CDH13: variants seen among roughly 807,000 people sequenced by gnomAD.
The protein encoded by CDH13 is cadherin 13, also known as cadherin-13.
A neutral mutation model predicts 63.8 loss-of-function variants in CDH13; 24 were observed. The ratio of observed to expected loss-of-function variants is 0.38; its 90% CI spans 0.27 to 0.53. The LOEUF is 0.53. Ranked by LOEUF, CDH13 falls within the 20% of genes least tolerant of loss-of-function variation. The pLI is 0.85. For missense variants in CDH13, 1,049 were observed against 903.1 expected (o/e 1.16, Z -2.07); for synonymous variants, 503 against 355.3 (o/e 1.42, Z -4.67).
intron 5 of CDH13, among the ~76,000 whole-genome samples, chr16:83,270,876 TTCCC>T (rs758786598): frequency 9.9e-5 from 15 of 151,264 alleles, no homozygotes; most frequent in South Asian, 8.5e-4. Context: ...CTTTCCTGCC[TTCCC>T]TCCCTCCCTC....
chr16:83,291,974 G>T (rs1456623356), intron 5 of CDH13, among the ~76,000 whole-genome samples: 1 of 152,090 alleles, frequency 6.6e-6, no homozygotes, highest in African/African-American at 2.4e-5. Flanking sequence ...GCTCCCAATG[G>T]TCATGAGTTA....
chr16:82,934,265 A>G (rs1207044592), intron 2 of CDH13, among the ~76,000 whole-genome samples: 1 of 152,166 alleles, frequency 6.6e-6, no homozygotes, highest in Admixed American at 6.5e-5. Flanking sequence ...GCTCAACACC[A>G]CATGGAAGCT....
intron 4 of CDH13, among the ~76,000 whole-genome samples, chr16:83,205,293 G>A (rs1312026364): frequency 6.6e-6 from 1 of 152,166 alleles, no homozygotes; most frequent in East Asian, 1.9e-4. Flanking sequence ...CAAATACCTA[G>A]TTATTCACTG....
intron 3 of CDH13, among the ~76,000 whole-genome samples, chr16:83,099,355 C>T (rs1382476108): frequency 6.6e-6 from 1 of 151,924 alleles, no homozygotes; most frequent in Non-Finnish European, 1.5e-5. Flanking sequence ...TGGAGTTTCA[C>T]TCTTGTCACC....
intron 3 of CDH13, among the ~76,000 whole-genome samples, chr16:83,040,838 G>A (rs1000721971): frequency 3.9e-5 from 6 of 152,186 alleles, no homozygotes; most frequent in Non-Finnish European, 7.3e-5. Flanking sequence ...TGATTGCATT[G>A]TTAAATCCAG....
At chr16:83,682,885 C>G (rs1349197591) in intron 10 of CDH13, among the ~76,000 whole-genome samples, 1 of 152,194 alleles carries the variant, frequency 6.6e-6, no homozygotes, top group African/African-American at 2.4e-5. Flanking sequence ...TCACCTCCTC[C>G]CTGAGGGGGC....
chr16:83,490,425 T>C (rs2073988232), intron 7 of CDH13, among the ~76,000 whole-genome samples: 1 of 152,158 alleles, frequency 6.6e-6, no homozygotes. Flanking sequence ...CCTTACTATG[T>C]TGTCACTTTG....
intron 2 of CDH13, among the ~76,000 whole-genome samples, chr16:83,001,977 C>G (rs974934307): frequency 6.6e-6 from 1 of 152,160 alleles, no homozygotes; most frequent in African/African-American, 2.4e-5. Flanking sequence ...AAGTTCCAAC[C>G]ACATTCCAGG....
At chr16:83,377,514 G>T (rs1267495451) in intron 6 of CDH13, among the ~76,000 whole-genome samples, 4 of 152,198 alleles carry the variant, frequency 2.6e-5, no homozygotes, top group African/African-American at 9.7e-5. Context: ...CACAGGGTCT[G>T]TCAGTTTTCC....
At chr16:83,301,254 A>G (rs2089735219) in intron 5 of CDH13, among the ~76,000 whole-genome samples, 1 of 151,404 alleles carries the variant, frequency 6.6e-6, no homozygotes, top group East Asian at 1.9e-4. Context: ...GATGGTCTCG[A>G]TCTCCTGACC....
chr16:83,717,980 C>G (rs758364927), intron 10 of CDH13: 1 of 152,246 alleles, frequency 6.6e-6, no homozygotes, highest in African/African-American at 2.4e-5. Context: ...GGGCATTGGC[C>G]TCTGGAACAA....
intron 1 of CDH13, among the ~76,000 whole-genome samples, chr16:82,660,591 C>T (rs1015718283): frequency 6.6e-6 from 1 of 151,482 alleles, no homozygotes; most frequent in African/African-American, 2.4e-5. Context: ...AAGATGACAA[C>T]CTAGGGCCCA....
intron 1 of CDH13, among the ~76,000 whole-genome samples, chr16:82,643,380 A>G (rs1567583462): frequency 6.6e-6 from 1 of 152,178 alleles, no homozygotes; most frequent in Non-Finnish European, 1.5e-5. Context: ...GCGACTCCTC[A>G]AAAGATCCCC....
chr16:83,410,860 C>G (rs926995320), intron 6 of CDH13, among the ~76,000 whole-genome samples: 3 of 152,150 alleles, frequency 2.0e-5, no homozygotes, highest in Admixed American at 6.6e-5. Context: ...TTTAGTCATC[C>G]AAATCACCAC....
chr16:83,722,514 A>C (rs971481040), intron 10 of CDH13, among the ~76,000 whole-genome samples: 3 of 152,208 alleles, frequency 2.0e-5, no homozygotes, highest in Non-Finnish European at 2.9e-5. Flanking sequence ...AATTAGACAA[A>C]CACTATTAAT....
intron 4 of CDH13, among the ~76,000 whole-genome samples, chr16:83,129,140 G>A (rs542583156): frequency 6.6e-6 from 1 of 152,170 alleles, no homozygotes; most frequent in South Asian, 2.1e-4. Flanking sequence ...CTGTGGAAGA[G>A]GACGTAGGTG....
chr16:82,706,114 C>G (rs565017523), intron 1 of CDH13, among the ~76,000 whole-genome samples: 1 of 152,014 alleles, frequency 6.6e-6, no homozygotes, highest in Non-Finnish European at 1.5e-5. Flanking sequence ...CTCACTCCTC[C>G]CTTCTCTCCT....
At chr16:83,177,376 A>G (rs993676630) in intron 4 of CDH13, among the ~76,000 whole-genome samples, 10 of 152,188 alleles carry the variant, frequency 6.6e-5, no homozygotes, top group Non-Finnish European at 2.9e-5. Context: ...CAGGTCTGCT[A>G]CAGCACAAAG....
intron 1 of CDH13, among the ~76,000 whole-genome samples, chr16:82,813,509 G>C (rs2037552791): frequency 2.0e-5 from 3 of 152,150 alleles, no homozygotes; most frequent in Admixed American, 2.0e-4. Flanking sequence ...TTTAAGTGCA[G>C]AGAGTGCTTT....
Sources: allele counts gnomAD v4.1 joint callset (sites outside exome capture counted in the v4.1 genomes callset), GRCh38; gene constraint gnomAD v4.1.1; transcripts MANE v1.5; gene names NCBI Gene and HGNC (gene_info 2026-07-23, HGNC 2026-07-21).